TUG1: variants seen among roughly 807,000 people sequenced by gnomAD.
The protein encoded by TUG1 is taurine upregulated gene 1.
chr22:30,976,259 T>G (rs1439731157), exon 3 of TUG1: 1 of 152,156 alleles, frequency 6.6e-6, no homozygotes, highest in Non-Finnish European at 1.5e-5. Context: ...GATTTTTTTT[T>G]TAATTGCTCT....
intron 1 of TUG1, chr22:30,972,248 T>C (rs923418477): frequency 1.3e-5 from 2 of 152,224 alleles, no homozygotes; most frequent in African/African-American, 4.8e-5. Flanking sequence ...ATATGGATCA[T>C]GTTTATGTTT....
chr22:30,978,949 T>C (rs2041318914), exon 3 of TUG1: 1 of 152,210 alleles, frequency 6.6e-6, no homozygotes, highest in South Asian at 2.1e-4. Flanking sequence ...CTAGAGGTCA[T>C]GGTCACTGAA....
exon 1 of TUG1, chr22:30,970,881 T>C (rs2041222163): frequency 6.6e-6 from 1 of 152,222 alleles, no homozygotes; most frequent in African/African-American, 2.4e-5. Flanking sequence ...TTGTTAGAAC[T>C]ACTGCGGAAC....
exon 3 of TUG1, chr22:30,976,650 G>T (rs1480218963): frequency 6.6e-6 from 1 of 152,194 alleles, no homozygotes; most frequent in Non-Finnish European, 1.5e-5. Flanking sequence ...CAGCAGGAAG[G>T]ATTCAGTTTA....
chr22:30,971,649 C>A (rs2041231510), exon 1 of TUG1: 1 of 153,038 alleles, frequency 6.5e-6, no homozygotes, highest in African/African-American at 2.4e-5. Context: ...GGACTGTTGA[C>A]CTTGCTGTGA....
At chr22:30,973,153 A>G (rs1301482048) in exon 2 of TUG1, 1 of 152,682 alleles carries the variant, frequency 6.5e-6, no homozygotes, top group Non-Finnish European at 1.5e-5. Context: ...ACAAAGGCCT[A>G]GTTTGTTCCA....
chr22:30,970,763 CTT>C (rs1421249605), exon 1 of TUG1: 2 of 152,166 alleles, frequency 1.3e-5, no homozygotes, highest in African/African-American at 4.8e-5. Context: ...TGCACGTGGA[CTT>C]TTAGCAAGCG....
chr22:30,977,451 A>C (rs967328436), exon 3 of TUG1: 2 of 152,204 alleles, frequency 1.3e-5, no homozygotes, highest in Non-Finnish European at 2.9e-5. Flanking sequence ...ATTGAGGATA[A>C]GGCCTTCTCC....
chr22:30,975,856 C>T (rs2041282133), exon 3 of TUG1: 1 of 152,128 alleles, frequency 6.6e-6, no homozygotes, highest in Non-Finnish European at 1.5e-5. Context: ...TTGTTATCAG[C>T]CATGGTACTC....
At chr22:30,970,087 C>T (rs1019556208) in exon 1 of TUG1, 1 of 152,144 alleles carries the variant, frequency 6.6e-6, no homozygotes, top group African/African-American at 2.4e-5. Context: ...AGCAGTTCCC[C>T]AATCCTTGGG....
At chr22:30,972,175 A>G (rs1602529652) in intron 1 of TUG1, 5 of 150,754 alleles carry the variant, frequency 3.3e-5, no homozygotes. Flanking sequence ...ACCACTCAGT[A>G]AGTGTTTTCT....
At chr22:30,971,350 G>A (rs569475425) in exon 1 of TUG1, 1 of 152,482 alleles carries the variant, frequency 6.6e-6, no homozygotes, top group Admixed American at 6.5e-5. Flanking sequence ...TACCTCAAAA[G>A]ACTTAAGACT....
exon 3 of TUG1, chr22:30,976,761 G>A (rs1184261784): frequency 6.6e-6 from 1 of 152,158 alleles, no homozygotes. Context: ...CAGCTATCCT[G>A]AGCTACTCGA....
exon 3 of TUG1, chr22:30,979,288 A>G (rs989793745): frequency 6.6e-6 from 1 of 152,202 alleles, no homozygotes; most frequent in African/African-American, 2.4e-5. Flanking sequence ...TTCTTTGAAC[A>G]GTGTAGATCA....
At chr22:30,969,671 C>G (rs562922284) in exon 1 of TUG1, 2 of 149,474 alleles carry the variant, frequency 1.3e-5, no homozygotes, top group South Asian at 3.9e-4. Flanking sequence ...TTGGAGCGGC[C>G]GGGGAGGCGG....
exon 3 of TUG1, chr22:30,977,477 T>C (rs981443334): frequency 3.3e-5 from 5 of 152,240 alleles, no homozygotes; most frequent in East Asian, 3.8e-4. Context: ...TGAAAGTTCT[T>C]TGGCAGATGA....
At chr22:30,971,484 T>C (rs1238062743) in exon 1 of TUG1, 1 of 152,664 alleles carries the variant, frequency 6.6e-6, no homozygotes, top group Admixed American at 6.5e-5. Flanking sequence ...TTCACTACAG[T>C]GTTCTGCAAT....
intron 2 of TUG1, chr22:30,974,557 CCT>C (rs995864713): frequency 6.6e-6 from 1 of 152,156 alleles, no homozygotes; most frequent in Admixed American, 6.5e-5. Flanking sequence ...TCAAAATCCC[CCT>C]TTCTCATACC....
At chr22:30,978,610 G>T (rs902262746) in exon 3 of TUG1, 6 of 152,224 alleles carry the variant, frequency 3.9e-5, no homozygotes, top group African/African-American at 1.4e-4. Context: ...CATCTGAACT[G>T]TGGAGGAGAA....
Sources: gnomAD v4.1 joint callset for allele counts on GRCh38, gnomAD v4.1.1 for gene constraint, MANE v1.5 for transcripts, NCBI Gene and HGNC (gene_info 2026-07-23, HGNC 2026-07-21) for gene names.